The following SEMA4D variants were observed in gnomAD, a reference collection of about 807,000 sequenced individuals.
The protein encoded by SEMA4D is semaphorin-4D.
A neutral mutation model predicts 74.8 loss-of-function variants in SEMA4D; 22 were observed. The ratio of observed to expected loss-of-function variants is 0.29; its 90% CI spans 0.21 to 0.42. The LOEUF (loss-of-function observed/expected upper bound fraction) is 0.42, where lower values mean the gene tolerates loss of function less well. SEMA4D is among the 10% of genes least tolerant of loss of function. SEMA4D has a pLI of 1.00. For missense variants in SEMA4D, 937 were observed against 1,118.4 expected (o/e 0.84, Z 2.31); for synonymous variants, 445 against 463.7 (o/e 0.96, Z 0.52).
At chr9:89,450,092 C>A in intron 2 of SEMA4D, 2 of 1,244,866 alleles carry the variant, frequency 1.6e-6, no homozygotes, top group Non-Finnish European at 2.4e-6. Context: ...ACTTATTTAA[C>A]TGCATGCCAA....
At chr9:89,364,027 G>A (rs372683106) in intron 16 of SEMA4D, 2 of 1,612,110 alleles carry the variant, frequency 1.2e-6, no homozygotes, top group African/African-American at 1.3e-5. Flanking sequence ...GTGCAGGGGG[G>A]TTACCTCTGC....
At chr9:89,410,667 A>G (rs1418787492) in intron 2 of SEMA4D, among the ~76,000 whole-genome samples, 1 of 152,254 alleles carries the variant, frequency 6.6e-6, no homozygotes, top group Non-Finnish European at 1.5e-5. Context: ...TTATTAAAGC[A>G]GTAATAAAAA....
chr9:89,370,671 G>A (rs1467399167), intron 16 of SEMA4D, among the ~76,000 whole-genome samples: 1 of 150,438 alleles, frequency 6.6e-6, no homozygotes, highest in Non-Finnish European at 1.5e-5. Flanking sequence ...TCATGCTCAT[G>A]TGTGGTGTGT....
At chr9:89,438,741 C>G (rs573805279) in intron 2 of SEMA4D, among the ~76,000 whole-genome samples, 1 of 151,848 alleles carries the variant, frequency 6.6e-6, no homozygotes, top group Admixed American at 6.6e-5. Flanking sequence ...TCTCGGCTCA[C>G]TGCAAGCTCT....
intron 2 of SEMA4D, among the ~76,000 whole-genome samples, chr9:89,413,870 A>G (rs1845092402): frequency 1.3e-5 from 2 of 152,206 alleles, no homozygotes; most frequent in South Asian, 4.1e-4. Flanking sequence ...GTGTATGTGT[A>G]CGCAGACATG....
chr9:89,370,108 A>T (rs1650187105), intron 16 of SEMA4D, among the ~76,000 whole-genome samples: 1 of 149,070 alleles, frequency 6.7e-6, no homozygotes, highest in Non-Finnish European at 1.5e-5. Flanking sequence ...GTGTGTGTAC[A>T]GTGTGTGTGT....
chr9:89,398,932 A>C (rs1174129745), intron 5 of SEMA4D, among the ~76,000 whole-genome samples: 1 of 152,248 alleles, frequency 6.6e-6, no homozygotes, highest in East Asian at 1.9e-4. Context: ...AAGGAGGCAG[A>C]ACAAACCCTG....
chr9:89,403,001 T>C lies in SEMA4D; in HGVS notation c.122A>G (p.Gln41Arg). ...TWEHREVHLV[Q>R]FHEPDIYNYS... Reference sequence around the variant, plus strand: ...GTTGTAGATGTCTGGCTCATGAAACTGCACCAGGTGCACCTCTGTGGGATG... The same window carrying C: ...GTTGTAGATGTCTGGCTCATGAAACCGCACCAGGTGCACCTCTGTGGGATG... The change falls in exon 4 of 16, where the codon CAG (glutamine) becomes CGG (arginine). Residue 41 changes from glutamine (Q) to arginine (R), a missense_variant. Coordinates refer to ENST00000422704, the MANE Select transcript of SEMA4D (RefSeq NM_001371194.2). The C allele has an allele frequency of 6.2e-7, 1 of 1,610,446 alleles. No homozygotes were observed. Among genetic ancestry groups the C allele is most frequent in the South Asian group, 1.1e-5 (1 of 91,032 alleles).
chr9:89,382,492 G>A (rs906911778), intron 13 of SEMA4D, among the ~76,000 whole-genome samples: 2 of 152,154 alleles, frequency 1.3e-5, no homozygotes, highest in Non-Finnish European at 2.9e-5. Context: ...CAGCTGTGCG[G>A]ACACAGACCC....
intron 2 of SEMA4D, among the ~76,000 whole-genome samples, chr9:89,427,455 G>A (rs117774257): frequency 0.037 from 5,693 of 152,176 alleles, 156 homozygotes; most frequent in South Asian, 0.12. Flanking sequence ...AACCCCTGCC[G>A]TCCTCTCAGT....
chr9:89,439,013 G>C (rs1262565998), intron 2 of SEMA4D, among the ~76,000 whole-genome samples: 2 of 109,570 alleles, frequency 1.8e-5, no homozygotes, highest in East Asian at 3.0e-4. Flanking sequence ...ATGGAGTCTC[G>C]CTCTATCGCC....
At chr9:89,385,187 G>A (rs1194801185) in intron 13 of SEMA4D, 7 of 916,896 alleles carry the variant, frequency 7.6e-6, no homozygotes, top group African/African-American at 5.4e-5. Flanking sequence ...ACCCCCTTCT[G>A]CCTTTGAGGA....
intron 2 of SEMA4D, among the ~76,000 whole-genome samples, chr9:89,444,664 G>A (rs986409266): frequency 1.3e-5 from 2 of 151,420 alleles, no homozygotes; most frequent in East Asian, 1.9e-4. Flanking sequence ...TTCTAGACAC[G>A]TTCAAGAGTT....
At chr9:89,471,444 CAATA>C (rs981957905) in intron 1 of SEMA4D, among the ~76,000 whole-genome samples, 1 of 152,126 alleles carries the variant, frequency 6.6e-6, no homozygotes, top group African/African-American at 2.4e-5. Context: ...AAAAATAAAA[CAATA>C]AAAGAAGTTC....
chr9:89,363,274 C>A (rs74351835), intron 18 of SEMA4D, among the ~76,000 whole-genome samples: 5 of 152,120 alleles, frequency 3.3e-5, no homozygotes, highest in African/African-American at 7.2e-5. Flanking sequence ...ATTTCCCCCC[C>A]CAGTGTTGCA....
At chr9:89,421,850 C>G (rs1274325305) in intron 2 of SEMA4D, among the ~76,000 whole-genome samples, 1 of 152,106 alleles carries the variant, frequency 6.6e-6, no homozygotes, top group Non-Finnish European at 1.5e-5. Context: ...AAGGATGATT[C>G]AAGAGATCAC....
chr9:89,487,239 A>G (rs1289725989), intron 1 of SEMA4D, among the ~76,000 whole-genome samples: 1 of 151,590 alleles, frequency 6.6e-6, no homozygotes, highest in Non-Finnish European at 1.5e-5. Context: ...TTAACATTCA[A>G]AAGTTAACCA....
intron 2 of SEMA4D, among the ~76,000 whole-genome samples, chr9:89,448,296 T>TCCC (rs1853473127): frequency 6.6e-6 from 1 of 152,200 alleles, no homozygotes. Context: ...GCTTTATTTC[T>TCCC]CCCCCTTGTA....
At chr9:89,448,726 C>T (rs535156770) in intron 2 of SEMA4D, among the ~76,000 whole-genome samples, 3 of 152,314 alleles carry the variant, frequency 2.0e-5, no homozygotes, top group African/African-American at 7.2e-5. Flanking sequence ...CAGCATTGCC[C>T]ACATGTTCAC....
Sources: allele counts gnomAD v4.1 joint callset (sites outside exome capture counted in the v4.1 genomes callset), GRCh38; gene constraint gnomAD v4.1.1; transcripts MANE v1.5; gene names NCBI Gene and HGNC (gene_info 2026-07-23, HGNC 2026-07-21).